RP1: variants seen among roughly 807,000 people sequenced by gnomAD.
RP1 encodes the protein RP1 axonemal microtubule associated, also known as oxygen-regulated protein 1.
In RP1, 16 loss-of-function variants were observed where a neutral mutation model predicts 14.8. The observed-to-expected ratio is 1.08, with a 90% confidence interval of 0.73 to 1.65. The LOEUF is 1.65. Ranked by LOEUF, RP1 falls within the 40% of genes most tolerant of loss-of-function variation. RP1 has a pLI of 0.00. For synonymous variants in RP1, 876 were observed against 883.6 expected, an observed-to-expected ratio of 0.99 and a Z score of 0.15; for missense variants, 2,631 against 2,535.0, an observed-to-expected ratio of 1.04 and a Z score of -0.81.
intron 24 of RP1, among the ~76,000 whole-genome samples, chr8:54,821,402 G>A (rs1337940466): frequency 6.6e-6 from 1 of 152,120 alleles, no homozygotes; most frequent in African/African-American, 2.4e-5. Flanking sequence ...CCATACAAAT[G>A]ACTTACATGA....
chr8:54,701,632 T>C (rs1808022595), exon 14 of RP1: 3 of 1,534,922 alleles, frequency 2.0e-6, no homozygotes, highest in Non-Finnish European at 2.6e-6. Flanking sequence ...GCTATGCAAA[T>C]CTTTCAAAAG....
chr8:54,566,045 T>A (rs974952930), intron 1 of RP1, among the ~76,000 whole-genome samples: 59 of 151,566 alleles, frequency 3.9e-4, no homozygotes, highest in African/African-American at 1.4e-3. Context: ...AATTTCCTCT[T>A]TTATAAGGAC....
intron 1 of RP1, among the ~76,000 whole-genome samples, chr8:54,594,910 A>G (rs1277749128): frequency 6.6e-6 from 1 of 152,190 alleles, no homozygotes; most frequent in Non-Finnish European, 1.5e-5. Context: ...GATAGCATAT[A>G]GTGGGAAGGA....
At chr8:54,738,128 T>C (rs1306025434) in intron 18 of RP1, among the ~76,000 whole-genome samples, 1 of 152,242 alleles carries the variant, frequency 6.6e-6, no homozygotes, top group African/African-American at 2.4e-5. Flanking sequence ...CGCATACCTG[T>C]GGACTTGCAC....
intron 1 of RP1, among the ~76,000 whole-genome samples, chr8:54,569,814 A>G (rs958773366): frequency 2.6e-5 from 4 of 152,204 alleles, no homozygotes; most frequent in Non-Finnish European, 5.9e-5. Flanking sequence ...CTATTACTAC[A>G]TCATCACAGA....
At chr8:54,730,370 T>A (rs1160293849) in intron 17 of RP1, among the ~76,000 whole-genome samples, 1 of 152,138 alleles carries the variant, frequency 6.6e-6, no homozygotes, top group African/African-American at 2.4e-5. Flanking sequence ...ATTGCTTTAA[T>A]AATTTCTTCT....
At chr8:54,844,830 A>G (rs530643264) in intron 25 of RP1, among the ~76,000 whole-genome samples, 1 of 152,302 alleles carries the variant, frequency 6.6e-6, no homozygotes, top group South Asian at 2.1e-4. Flanking sequence ...GAGATTGAGA[A>G]ATCTTGGATA....
intron 19 of RP1, among the ~76,000 whole-genome samples, chr8:54,745,904 G>A (rs1350789393): frequency 6.6e-6 from 1 of 152,096 alleles, no homozygotes. Flanking sequence ...CAAAAGTCAA[G>A]GCTTTGGGTC....
At chr8:54,838,605 G>A (rs761003482) in intron 25 of RP1, among the ~76,000 whole-genome samples, 1 of 152,162 alleles carries the variant, frequency 6.6e-6, no homozygotes, top group Non-Finnish European at 1.5e-5. Context: ...ATGTATGCAT[G>A]TGTGTATATG....
chr8:54,584,608 G>A (rs1474585824), intron 1 of RP1, among the ~76,000 whole-genome samples: 1 of 152,156 alleles, frequency 6.6e-6, no homozygotes, highest in Non-Finnish European at 1.5e-5. Context: ...GGGTGTTAAA[G>A]TCTCCCGTTA....
At chr8:54,703,521 G>A (rs897151046) in intron 14 of RP1, among the ~76,000 whole-genome samples, 2 of 152,132 alleles carry the variant, frequency 1.3e-5, no homozygotes, top group Non-Finnish European at 2.9e-5. Flanking sequence ...TAGAGCACAG[G>A]TAGAGTAGAT....
rs1807454310 is a variant in RP1 at position 54,682,268 on chromosome 8, T to C, written c.1717+2335T>C. The stretch of plus-strand genomic sequence containing the variant: ...AAATTTTTTTTTTTTTACTTTAAGT[T>C]CTGGGATACATGTGCAGAATGTGCA... On this transcript the variant is annotated intron_variant, in intron 12 of 22. Transcript: ENST00000636932. 1.3e-5 allele frequency among the ~76,000 whole-genome samples: 2 copies of C among 151,970 alleles called. 1 individual carries two copies. Among genetic ancestry groups the C allele is most frequent in the South Asian group, 4.2e-4 (2 of 4,814 alleles).
At chr8:54,787,844 A>C (rs1019994248) in intron 24 of RP1, among the ~76,000 whole-genome samples, 5 of 152,220 alleles carry the variant, frequency 3.3e-5, no homozygotes, top group Admixed American at 3.3e-4. Flanking sequence ...TATCACCAGC[A>C]ATGAGAAGAC....
In RP1 at chr8:54,628,745, A is replaced by G. The variant is rs1806156778; in HGVS notation, c.4863A>G (p.Lys1621=). Residue 1621 remains lysine, a synonymous_variant, in exon 4 of 4, where the codon AAA becomes AAG. Coordinates refer to ENST00000220676, the MANE Select transcript of RP1 (RefSeq NM_006269.2). ...ACAGTGGCGAACTTACCCAAGAGAA[A>G]GAATATAACATAGGATTTGTTAAAA... ...PNDSGELTQE[K]EYNIGFVKRA... 1.9e-6 allele frequency: 3 copies of G among 1,614,002 alleles called. No homozygotes were observed. Among genetic ancestry groups the G allele is most frequent in the Admixed American group, 1.7e-5 (1 of 60,010 alleles).
chr8:54,837,106 C>T (rs1811675774), intron 24 of RP1, among the ~76,000 whole-genome samples: 1 of 151,872 alleles, frequency 6.6e-6, no homozygotes, highest in Non-Finnish European at 1.5e-5. Context: ...TTAATAACAC[C>T]AGAGCATAGG....
At position 54,629,537 on chromosome 8, in the gene RP1, T is replaced by C; in HGVS notation, c.5655T>C (p.Ala1885=). Residue 1885 remains alanine (A), a synonymous_variant, in exon 4 of 4, where the codon GCT becomes GCC. Coordinates refer to ENST00000220676, the MANE Select transcript of RP1 (RefSeq NM_006269.2). The stretch of plus-strand genomic sequence containing the variant: ...AAGTCTACCCTGTCTCTGATGATGC[T>C]ATTAAAAACCAACCATTGCCTGGCA... ...GNKVYPVSDD[A]IKNQPLPGSN... is the part of the protein sequence containing the mutation. 1 of 1,614,086 alleles carries C rather than the reference T, an allele frequency of 6.2e-7. No individual in the cohort carries two copies. Among genetic ancestry groups the C allele is most frequent in the Non-Finnish European group, 8.5e-7 (1 of 1,179,990 alleles).
At chr8:54,632,131 C>T (rs996002432), downstream of RP1, among the ~76,000 whole-genome samples, 2 of 151,954 alleles carry the variant, frequency 1.3e-5, no homozygotes, top group African/African-American at 2.4e-5. Context: ...TGTGAGCCAC[C>T]GCGCCCAGCC....
intron 20 of RP1, chr8:54,755,016 G>C (rs778587608): frequency 3.7e-6 from 5 of 1,334,814 alleles, no homozygotes; most frequent in Non-Finnish European, 4.8e-6. Flanking sequence ...AAGCTATTTA[G>C]TTACAGAATA....
At chr8:54,631,045 G>A (rs144932711), downstream of RP1, among the ~76,000 whole-genome samples, 1,170 of 152,238 alleles carry the variant, frequency 7.7e-3, 20 homozygotes, top group African/African-American at 0.027. Flanking sequence ...CAAGTCTTAG[G>A]AAACTTGGAA....
Sources: gnomAD v4.1 joint callset for allele counts (sites outside exome capture counted in the v4.1 genomes callset) on GRCh38, gnomAD v4.1.1 for gene constraint, MANE v1.5 for transcripts, NCBI Gene and HGNC (gene_info 2026-07-23, HGNC 2026-07-21) for gene names.